The following COL14A1 variants were observed in gnomAD, a reference collection of about 807,000 sequenced individuals.
COL14A1 encodes the protein collagen alpha-1(XIV) chain.
COL14A1 carries 136 observed loss-of-function variants against 230.3 expected under a neutral mutation model. The ratio of observed to expected loss-of-function variants is 0.59; its 90% CI spans 0.51 to 0.68. COL14A1 has a LOEUF of 0.68. Among genes scored for constraint, COL14A1 ranks in the 30% least tolerant of loss-of-function variants. The pLI is 0.00. For missense variants in COL14A1, 1,976 were observed against 2,215.8 expected (o/e 0.89, Z 2.17); for synonymous variants, 792 against 784.1 (o/e 1.01, Z -0.17).
At chr8:120,186,289 C>G (rs1816650345) in intron 5 of COL14A1, among the ~76,000 whole-genome samples, 1 of 152,150 alleles carries the variant, frequency 6.6e-6, no homozygotes, top group Non-Finnish European at 1.5e-5. Context: ...TCCAAGAGTT[C>G]TACTGTACCA....
At chr8:120,335,350 A>C (rs1240908614) in intron 42 of COL14A1, among the ~76,000 whole-genome samples, 1 of 152,232 alleles carries the variant, frequency 6.6e-6, no homozygotes, top group Non-Finnish European at 1.5e-5. Context: ...TGAAAGCAGC[A>C]GGAGGGGCCC....
chr8:120,220,336 C>T (rs1292280539), intron 14 of COL14A1, among the ~76,000 whole-genome samples: 13 of 148,364 alleles, frequency 8.8e-5, no homozygotes, highest in South Asian at 2.1e-4. Flanking sequence ...TGCAGTGGCA[C>T]GATCTTGGCT....
In COL14A1 at chr8:120,143,579, C is replaced by T. The variant is rs924415888; in HGVS notation, c.-37-4227C>T. On this transcript the variant is annotated intron_variant, in intron 1 of 47. Transcript: ENST00000297848. ...CCAGGAGGCAGAGGTTGCAGTGGGCCGAGATCGCACCACTGCACTCCAGCC... is the reference window on the plus strand; with the variant it reads ...CCAGGAGGCAGAGGTTGCAGTGGGCTGAGATCGCACCACTGCACTCCAGCC... Among the ~76,000 whole-genome samples, 32 of 151,974 alleles carry T rather than the reference C, an allele frequency of 2.1e-4. 1 individual carries two copies. The highest frequency in any genetic ancestry group is 1.9e-4 in the East Asian group (1 of 5,184).
At chr8:120,348,044 A>G (rs1438826912) in intron 45 of COL14A1, among the ~76,000 whole-genome samples, 3 of 152,094 alleles carry the variant, frequency 2.0e-5, no homozygotes, top group Non-Finnish European at 4.4e-5. Context: ...ACCCAGAGGA[A>G]AAGAAGTCAT....
Position 120,278,177 on chromosome 8 carries a change from G to A in COL14A1, c.3280G>A (p.Glu1094Lys), listed in dbSNP as rs1365763802. The A allele has an allele frequency of 6.2e-7, 1 of 1,612,170 alleles. No homozygotes were observed. The highest frequency in any genetic ancestry group is 8.5e-7 in the Non-Finnish European group (1 of 1,179,066). Reference sequence around the variant, plus strand: ...TAAACTAAATGCTTACAAAACCAAAGAGACTCTTCTTGATGCAATTAAACA... The same window carrying A: ...TAAACTAAATGCTTACAAAACCAAAAAGACTCTTCTTGATGCAATTAAACA... ...EFKLNAYKTKETLLDAIKHIS... is the reference protein window; with the variant it reads ...EFKLNAYKTKKTLLDAIKHIS... The change falls in exon 27 of 48, where the codon GAG (glutamate) becomes AAG (lysine). Residue 1094 changes from glutamate (E) to lysine (K), a missense_variant. Physicochemically the swap from Glu to Lys is moderately conservative, Grantham distance 56 (BLOSUM62 1). Around this residue, in one of 3 missense-constraint regions of COL14A1, gnomAD observed 1,791 missense variants for 2,019.5 expected, o/e 0.89. Coordinates refer to ENST00000297848, the MANE Select transcript of COL14A1 (RefSeq NM_021110.4).
chr8:120,234,009 GT>G lies in COL14A1; in HGVS notation c.2349+2393del, dbSNP rs200994914. 3.0e-4 allele frequency among the ~76,000 whole-genome samples: 46 copies of G among 152,264 alleles called. No individual in the cohort carries two copies. In the East Asian group the frequency reaches 8.9e-3, roughly 29 times the overall value. On this transcript the variant is annotated intron_variant, in intron 19 of 47. Transcript: ENST00000297848. ...CTTATTTCCTTGAGCAGTGGTTTGA[GT>G]TCTCCTTGAAGAGGTCCTTCACATC...
At chr8:120,280,855 A>C (rs1396021073) in intron 30 of COL14A1, 66 bp from the exon 31 acceptor site, 38 of 1,477,938 alleles carry the variant, frequency 2.6e-5, no homozygotes, top group Non-Finnish European at 3.2e-5. Flanking sequence ...AAAATATTAA[A>C]ATTTAAAATT....
intron 1 of COL14A1, among the ~76,000 whole-genome samples, chr8:120,135,735 C>A (rs1287017115): frequency 2.6e-5 from 4 of 151,014 alleles, no homozygotes; most frequent in Non-Finnish European, 5.9e-5. Flanking sequence ...TTTTTTAACC[C>A]ATGAACATGG....
At chr8:120,128,779 T>G (rs1389919637) in intron 1 of COL14A1, among the ~76,000 whole-genome samples, 1 of 152,202 alleles carries the variant, frequency 6.6e-6, no homozygotes, top group Non-Finnish European at 1.5e-5. Context: ...TATGGGCCTT[T>G]GTCGGAGCTA....
intron 45 of COL14A1, among the ~76,000 whole-genome samples, chr8:120,364,468 C>G (rs1823333767): frequency 1.3e-5 from 2 of 152,236 alleles, no homozygotes; most frequent in Admixed American, 6.5e-5. Context: ...AGAAAATGGC[C>G]TACAACCAAG....
At chr8:120,288,663 A>G (rs1820282579) in intron 33 of COL14A1, among the ~76,000 whole-genome samples, 1 of 152,178 alleles carries the variant, frequency 6.6e-6, no homozygotes, top group Admixed American at 6.5e-5. Flanking sequence ...TTATTTGCCT[A>G]TTAATTTCAC....
Position 120,255,325 on chromosome 8 carries a change from A to G in COL14A1, c.2838A>G (p.Thr946=), listed in dbSNP as rs1324199360. ...ACTGGCAGGTACATCGCCATGCCAC[A>G]GCCTATAGGGTTGTTATAGAATCCC... The part of the protein sequence containing the change: ...CAHWQVHRHA[T]AYRVVIESLQ... The change falls in exon 23 of 48, where the codon ACA becomes ACG. Residue 946 remains threonine, a synonymous_variant. Transcript: ENST00000297848. 9.9e-6 allele frequency: 16 copies of G among 1,613,970 alleles called. No individual in the cohort carries two copies. The highest frequency in any genetic ancestry group is 1.4e-5 in the Non-Finnish European group (16 of 1,179,920).
intron 46 of COL14A1, among the ~76,000 whole-genome samples, chr8:120,367,943 C>T (rs927226423): frequency 7.9e-5 from 11 of 139,792 alleles, no homozygotes; most frequent in East Asian, 6.3e-4. Context: ...GACCCTGTCT[C>T]GAAAAAAAAA....
chr8:120,298,597 T>A (rs1160803421), intron 35 of COL14A1, among the ~76,000 whole-genome samples: 3 of 57,998 alleles, frequency 5.2e-5, no homozygotes, highest in Non-Finnish European at 9.2e-5. Flanking sequence ...CCCATATATT[T>A]TATATATATA....
chr8:120,179,767 G>A (rs911826585), intron 5 of COL14A1, among the ~76,000 whole-genome samples: 1 of 152,096 alleles, frequency 6.6e-6, no homozygotes, highest in African/African-American at 2.4e-5. Context: ...AATGAACAAA[G>A]CTGAAGGCAT....
chr8:120,363,297 G>T (rs150931946), intron 45 of COL14A1, among the ~76,000 whole-genome samples: 2,041 of 152,242 alleles, frequency 0.013, 41 homozygotes, highest in African/African-American at 0.045. Flanking sequence ...GAAGCTAGAA[G>T]CCATCATCCT....
chr8:120,290,633 T>A (rs2129964751), intron 34 of COL14A1, among the ~76,000 whole-genome samples: 1 of 152,356 alleles, frequency 6.6e-6, no homozygotes, highest in Admixed American at 6.5e-5. Flanking sequence ...GAGCTGGTAG[T>A]TCTCCAAGAC....
chr8:120,369,991 G>A (rs1249205782), intron 47 of COL14A1, among the ~76,000 whole-genome samples: 2 of 152,166 alleles, frequency 1.3e-5, no homozygotes, highest in Non-Finnish European at 2.9e-5. Context: ...CACATTTTAG[G>A]TGACCAAGAA....
At chr8:120,298,177 A>G (rs1820586910) in intron 35 of COL14A1, among the ~76,000 whole-genome samples, 1 of 151,982 alleles carries the variant, frequency 6.6e-6, no homozygotes, top group Admixed American at 6.6e-5. Flanking sequence ...CATAGCAGCT[A>G]TATTTGTAAA....
Sources: allele counts gnomAD v4.1 joint callset (sites outside exome capture counted in the v4.1 genomes callset), GRCh38; gene constraint gnomAD v4.1.1; regional missense constraint gnomAD v4.1.1; transcripts MANE v1.5; gene names NCBI Gene and HGNC (gene_info 2026-07-23, HGNC 2026-07-21).